RAP1A: variants seen among roughly 807,000 people sequenced by gnomAD.
RAP1A encodes RAP1A, member of RAS oncogene family, also known as ras-related protein Rap-1A.
In RAP1A, 6 loss-of-function variants were observed where a neutral mutation model predicts 26.4. The ratio of observed to expected loss-of-function variants is 0.23; its 90% CI spans 0.12 to 0.45. The LOEUF (loss-of-function observed/expected upper bound fraction) is 0.45, where lower values mean the gene tolerates loss of function less well. RAP1A is among the 20% of genes least tolerant of loss of function. RAP1A has a pLI of 0.99. For missense variants in RAP1A, 121 were observed against 217.2 expected (o/e 0.56, Z 2.78); for synonymous variants, 73 against 79.4 (o/e 0.92, Z 0.43).
chr1:111,651,883 A>G (rs1014158094), intron 1 of RAP1A, among the ~76,000 whole-genome samples: 12 of 151,526 alleles, frequency 7.9e-5, no homozygotes, highest in Admixed American at 7.2e-4. Context: ...AAGTGCTGGG[A>G]TTACAGGCGT....
chr1:111,575,113 A>T (rs1359842511), intron 1 of RAP1A, among the ~76,000 whole-genome samples: 1 of 152,110 alleles, frequency 6.6e-6, no homozygotes, highest in African/African-American at 2.4e-5. Flanking sequence ...TACTACCTGT[A>T]TGACATTACC....
rs377082988 is a variant in RAP1A, at chr1:111,709,692, A to G, written c.*29+428A>G. Among the ~76,000 whole-genome samples, 19 of 152,322 alleles carry G rather than the reference A, an allele frequency of 1.2e-4. No homozygotes were observed. The East Asian group carries it at 3.5e-3, about 28-fold the overall frequency. On this transcript the variant is annotated intron_variant, in intron 7 of 7. Transcript: ENST00000369709. ...CAAGAGTCACCCTTCCCCAAATTAA[A>G]TTAAAACTCTGCCCTGATTTCTAAC...
At chr1:111,665,914 C>A (rs957312182) in intron 1 of RAP1A, among the ~76,000 whole-genome samples, 4 of 152,122 alleles carry the variant, frequency 2.6e-5, no homozygotes, top group Admixed American at 6.6e-5. Flanking sequence ...TACTTTAGAG[C>A]TTTAAAATGA....
intron 1 of RAP1A, among the ~76,000 whole-genome samples, chr1:111,601,822 T>C (rs1306959418): frequency 6.6e-6 from 1 of 152,144 alleles, no homozygotes; most frequent in Non-Finnish European, 1.5e-5. Flanking sequence ...AAATGACACA[T>C]AAAGCCTAAA....
intron 1 of RAP1A, among the ~76,000 whole-genome samples, chr1:111,667,328 AT>A (rs1557884468): frequency 6.6e-6 from 1 of 152,206 alleles, no homozygotes; most frequent in African/African-American, 2.4e-5. Context: ...TATAGATTAT[AT>A]TCTTGATAAC....
At chr1:111,679,948 C>T (rs1661241995) in intron 1 of RAP1A, among the ~76,000 whole-genome samples, 1 of 152,204 alleles carries the variant, frequency 6.6e-6, no homozygotes, top group Non-Finnish European at 1.5e-5. Context: ...GGGGAATTGG[C>T]AGCTGTGCAC....
At chr1:111,586,799 C>T (rs1442372515) in intron 1 of RAP1A, among the ~76,000 whole-genome samples, 1 of 152,202 alleles carries the variant, frequency 6.6e-6, no homozygotes, top group Non-Finnish European at 1.5e-5. Context: ...TGAGAAGGCA[C>T]TTTACTGCCT....
intron 1 of RAP1A, among the ~76,000 whole-genome samples, chr1:111,639,762 C>T (rs1181989888): frequency 2.0e-5 from 3 of 152,170 alleles, no homozygotes; most frequent in Non-Finnish European, 4.4e-5. Flanking sequence ...TGTTGTCTGA[C>T]ACTAGCCTCC....
intron 4 of RAP1A, among the ~76,000 whole-genome samples, chr1:111,701,935 T>TTTA (rs1194145084): frequency 6.6e-6 from 1 of 152,214 alleles, no homozygotes; most frequent in African/African-American, 2.4e-5. Context: ...ACTTCCAGTT[T>TTTA]TTACATCTTT....
chr1:111,673,481 C>T (rs549607474), intron 1 of RAP1A, among the ~76,000 whole-genome samples: 2 of 152,300 alleles, frequency 1.3e-5, no homozygotes, highest in Admixed American at 6.5e-5. Flanking sequence ...TTCACAAAGA[C>T]AATCAAGTCA....
chr1:111,655,234 G>GA lies in RAP1A; in HGVS notation c.-28+35308dup, dbSNP rs1159571974. On this transcript the variant is annotated intron_variant, in intron 1 of 7. Coordinates refer to ENST00000369709, the MANE Select transcript of RAP1A (RefSeq NM_002884.4). The stretch of plus-strand genomic sequence containing the variant: ...AACATAGATTTAATGCAAAATAACT[G>GA]AAAAAAAAGAAAAAAAAACAATGCA... Among the ~76,000 whole-genome samples, 38 of 59,082 alleles carry GA rather than the reference G, an allele frequency of 6.4e-4. 1 individual carries two copies. In the East Asian group the frequency reaches 6.7e-3, roughly 10 times the overall value. The allele number at this position is 59,082 out of a possible 152,430, so 38.8% of individuals were successfully genotyped here. A position where few individuals can be genotyped will look rare whatever the true frequency, so the allele number is the denominator to read the frequency against.
At chr1:111,708,436 C>A (rs1367492644) in intron 6 of RAP1A, among the ~76,000 whole-genome samples, 1 of 152,152 alleles carries the variant, frequency 6.6e-6, no homozygotes, top group African/African-American at 2.4e-5. Context: ...CTTTATTTTT[C>A]AGAAATGACA....
chr1:111,573,626 C>T (rs962863856), intron 1 of RAP1A, among the ~76,000 whole-genome samples: 6 of 152,216 alleles, frequency 3.9e-5, no homozygotes, highest in East Asian at 1.9e-4. Flanking sequence ...TGAGCCACTG[C>T]GCCCGGCCTT....
chr1:111,681,234 T>A (rs1006161874), intron 1 of RAP1A, among the ~76,000 whole-genome samples: 2 of 151,964 alleles, frequency 1.3e-5, no homozygotes, highest in African/African-American at 4.8e-5. Flanking sequence ...GACAACAGAG[T>A]GAAACTCCGT....
intron 1 of RAP1A, chr1:111,650,558 G>A (rs1345325782): frequency 6.6e-6 from 1 of 152,122 alleles, no homozygotes; most frequent in African/African-American, 2.4e-5. Flanking sequence ...TTTTAGAGCA[G>A]TTTTAGGTTT....
chr1:111,586,057 T>C (rs752587478), intron 1 of RAP1A, among the ~76,000 whole-genome samples: 24 of 152,220 alleles, frequency 1.6e-4, no homozygotes, highest in Non-Finnish European at 3.4e-4. Flanking sequence ...TCAGGTCCCA[T>C]AAAACTCTTG....
intron 4 of RAP1A, among the ~76,000 whole-genome samples, chr1:111,702,775 G>C (rs978737018): frequency 7.9e-5 from 12 of 152,142 alleles, no homozygotes; most frequent in African/African-American, 2.2e-4. Context: ...GGCCAGGCTA[G>C]TCTTGAACTC....
At chr1:111,615,140 GTA>G (rs1402405310), upstream of RAP1A, among the ~76,000 whole-genome samples, 5 of 152,044 alleles carry the variant, frequency 3.3e-5, no homozygotes, top group African/African-American at 1.2e-4. Context: ...ACATGTAAGG[GTA>G]TAGTGAAAGG....
At chr1:111,695,269 A>C in intron 2 of RAP1A, 72 bp from the exon 3 acceptor site, 8 of 1,106,200 alleles carry the variant, frequency 7.2e-6, no homozygotes, top group Non-Finnish European at 1.0e-5. Context: ...AATCATTATA[A>C]TTTGTAGGTT....
Sources: gnomAD v4.1 joint callset for allele counts (sites outside exome capture counted in the v4.1 genomes callset) on GRCh38, gnomAD v4.1.1 for gene constraint, MANE v1.5 for transcripts, NCBI Gene and HGNC (gene_info 2026-07-23, HGNC 2026-07-21) for gene names.